MGAT4C: variants seen among roughly 807,000 people sequenced by gnomAD.
MGAT4C encodes MGAT4 family member C, also known as alpha-1,3-mannosyl-glycoprotein 4-beta-N-acetylglucosaminyltransferase C.
In MGAT4C, 19 loss-of-function variants were observed where a neutral mutation model predicts 40.1. The ratio of observed to expected loss-of-function variants is 0.47; its 90% CI spans 0.33 to 0.70. MGAT4C has a LOEUF of 0.70. Among genes scored for constraint, MGAT4C ranks in the 30% least tolerant of loss-of-function variants. The probability of loss-of-function intolerance (pLI) is 0.02; values close to 1 mark genes in which losing one functional copy is unlikely to be tolerated. For missense variants in MGAT4C, 491 were observed against 563.2 expected (o/e 0.87, Z 1.30); for synonymous variants, 181 against 187.1 (o/e 0.97, Z 0.27).
intron 1 of MGAT4C, among the ~76,000 whole-genome samples, chr12:86,793,082 A>G (rs550343633): frequency 6.6e-6 from 1 of 152,340 alleles, no homozygotes; most frequent in East Asian, 1.9e-4. Flanking sequence ...TATTTGCTAG[A>G]AAATACTATC....
chr12:86,226,245 G>A (rs904335436), intron 1 of MGAT4C, among the ~76,000 whole-genome samples: 3 of 151,868 alleles, frequency 2.0e-5, no homozygotes, highest in African/African-American at 4.8e-5. Context: ...TTAAATTGAG[G>A]TAGGAAGAAT....
At chr12:86,696,701 C>T (rs1950265682) in intron 2 of MGAT4C, among the ~76,000 whole-genome samples, 1 of 152,136 alleles carries the variant, frequency 6.6e-6, no homozygotes, top group South Asian at 2.1e-4. Context: ...ATACAAGCTT[C>T]AGATTTTGAT....
intron 2 of MGAT4C, among the ~76,000 whole-genome samples, chr12:86,478,358 T>C (rs1305128956): frequency 2.0e-5 from 3 of 152,170 alleles, no homozygotes; most frequent in South Asian, 2.1e-4. Flanking sequence ...TCTTTTTCAG[T>C]CTGTTTTAAA....
chr12:86,491,760 A>G (rs868698660), intron 2 of MGAT4C, among the ~76,000 whole-genome samples: 2,914 of 150,334 alleles, frequency 0.019, 87 homozygotes, highest in African/African-American at 0.067. Context: ...CTCTCTCACC[A>G]CTCCTATTCA....
intron 1 of MGAT4C, among the ~76,000 whole-genome samples, chr12:86,201,695 T>C (rs1051034032): frequency 4.0e-5 from 6 of 151,874 alleles, no homozygotes; most frequent in Non-Finnish European, 5.9e-5. Flanking sequence ...TGTAACAAAT[T>C]GGTTGTTGGG....
chr12:86,362,573 T>C (rs1955500777), intron 3 of MGAT4C, among the ~76,000 whole-genome samples: 1 of 152,076 alleles, frequency 6.6e-6, no homozygotes, highest in Non-Finnish European at 1.5e-5. Context: ...TCATATATTT[T>C]ATAAGAAAAA....
At chr12:86,017,209 T>C (rs1035654802) in intron 2 of MGAT4C, among the ~76,000 whole-genome samples, 4 of 152,114 alleles carry the variant, frequency 2.6e-5, no homozygotes, top group African/African-American at 9.7e-5. Context: ...TTTGAGTGTG[T>C]GTGTGTATGT....
intron 2 of MGAT4C, among the ~76,000 whole-genome samples, chr12:86,665,070 C>T (rs1240602978): frequency 6.6e-6 from 1 of 151,900 alleles, no homozygotes; most frequent in East Asian, 2.0e-4. Context: ...CCACCTTGTT[C>T]TATCTGGTCC....
upstream of MGAT4C, chr12:86,838,890 T>C (rs1953094099): frequency 6.6e-6 from 1 of 152,226 alleles, no homozygotes; most frequent in African/African-American, 2.4e-5. Flanking sequence ...CCTGTGTGCA[T>C]AGAGCAGTGA....
intron 1 of MGAT4C, among the ~76,000 whole-genome samples, chr12:86,779,771 G>A (rs1207816567): frequency 6.6e-6 from 1 of 151,872 alleles, no homozygotes; most frequent in Non-Finnish European, 1.5e-5. Flanking sequence ...AAATTAGCCG[G>A]GCGTGGTGGC....
intron 1 of MGAT4C, among the ~76,000 whole-genome samples, chr12:86,787,207 T>C (rs1951944452): frequency 1.3e-5 from 2 of 152,130 alleles, no homozygotes; most frequent in African/African-American, 4.8e-5. Flanking sequence ...TGTGTACACA[T>C]TGTTTAGCTC....
At chr12:86,719,109 T>C (rs1331495120) in intron 2 of MGAT4C, among the ~76,000 whole-genome samples, 1 of 152,208 alleles carries the variant, frequency 6.6e-6, no homozygotes, top group South Asian at 2.1e-4. Context: ...AAAGTTAACA[T>C]AGCCCCTACC....
intron 1 of MGAT4C, among the ~76,000 whole-genome samples, chr12:86,810,379 G>C (rs1425038231): frequency 1.3e-5 from 2 of 151,798 alleles, no homozygotes; most frequent in African/African-American, 4.8e-5. Flanking sequence ...TTGAATAAGA[G>C]TAGGGTGAAC....
intron 2 of MGAT4C, among the ~76,000 whole-genome samples, chr12:86,460,999 T>A (rs1957589900): frequency 6.6e-6 from 1 of 152,088 alleles, no homozygotes; most frequent in Non-Finnish European, 1.5e-5. Context: ...AAATGTCAAT[T>A]CTTGTTTCCT....
chr12:85,959,981 T>G lies in MGAT4C; in HGVS notation c.*19308A>C, dbSNP rs1374079365. ...AAGATAATATCCTATTCTCCTTTTC[T>G]TATGGTTTTATTGTGAAGATCTGTG... On this transcript the variant is annotated 3_prime_UTR_variant, in exon 5 of 5. Transcript: ENST00000611864. 2.0e-5 allele frequency: 3 copies of G among 152,058 alleles called. No homozygotes were observed. The highest frequency in any genetic ancestry group is 2.9e-5 in the Non-Finnish European group (2 of 67,950). The allele number at this position is 152,058 out of a possible 1,614,324, so 9.4% of individuals were successfully genotyped here. A position where few individuals can be genotyped will look rare whatever the true frequency, so the allele number is the denominator to read the frequency against.
At chr12:86,787,390 C>T (rs1951949337) in intron 1 of MGAT4C, among the ~76,000 whole-genome samples, 4 of 151,864 alleles carry the variant, frequency 2.6e-5, no homozygotes, top group Admixed American at 6.6e-5. Flanking sequence ...TTGATTGAGT[C>T]GATTCCATAT....
chr12:86,752,106 C>T (rs1225086389), intron 1 of MGAT4C, among the ~76,000 whole-genome samples: 1 of 151,874 alleles, frequency 6.6e-6, no homozygotes, highest in Non-Finnish European at 1.5e-5. Flanking sequence ...TTGTAATGCT[C>T]GCCAAGTAAA....
intron 1 of MGAT4C, among the ~76,000 whole-genome samples, chr12:86,749,274 T>G (rs1422070386): frequency 6.6e-6 from 1 of 151,742 alleles, no homozygotes; most frequent in Non-Finnish European, 1.5e-5. Flanking sequence ...AGAAATAAAT[T>G]AAGACAATAT....
At chr12:86,312,869 C>T (rs1339338821) in intron 4 of MGAT4C, among the ~76,000 whole-genome samples, 1 of 151,990 alleles carries the variant, frequency 6.6e-6, no homozygotes, top group Admixed American at 6.6e-5. Flanking sequence ...GGCTGAGTGC[C>T]CTGCAGTAGC....
Sources: gnomAD v4.1 joint callset for allele counts (sites outside exome capture counted in the v4.1 genomes callset) on GRCh38, gnomAD v4.1.1 for gene constraint, MANE v1.5 for transcripts, NCBI Gene and HGNC (gene_info 2026-07-23, HGNC 2026-07-21) for gene names.